Variants in UGT1A8 observed in about 807,000 individuals in gnomAD.
UGT1A8 encodes UDP glucuronosyltransferase family 1 member A8, also known as UDP-glucuronosyltransferase 1A8.
UGT1A8 carries 39 observed loss-of-function variants against 45.3 expected under a neutral mutation model. That is an observed-to-expected ratio of 0.86 (90% CI 0.67 to 1.12). UGT1A8 has a LOEUF of 1.12. UGT1A8 is among the 50% of genes most tolerant of loss of function. The pLI is 0.00. For synonymous variants in UGT1A8, 275 were observed against 249.2 expected, an observed-to-expected ratio of 1.10 and a Z score of -0.97; for missense variants, 719 against 664.9, an observed-to-expected ratio of 1.08 and a Z score of -0.90.
chr2:233,755,826 A>T (rs1696033574), intron 1 of UGT1A8: 1 of 152,260 alleles, frequency 6.6e-6, no homozygotes, highest in Admixed American at 6.5e-5. Context: ...AAAAAGACAT[A>T]TTCATTGGGC....
intron 1 of UGT1A8, among the ~76,000 whole-genome samples, chr2:233,619,033 G>T (rs1407708957): frequency 1.3e-5 from 2 of 152,070 alleles, no homozygotes; most frequent in African/African-American, 2.4e-5. Flanking sequence ...AGCAAGAAAT[G>T]AAACTCCCCT....
intron 1 of UGT1A8, among the ~76,000 whole-genome samples, chr2:233,716,634 C>T (rs1575513660): frequency 6.6e-6 from 1 of 152,096 alleles, no homozygotes; most frequent in Non-Finnish European, 1.5e-5. Context: ...AAGTTTTTAT[C>T]GTTTGTACTT....
intron 1 of UGT1A8, among the ~76,000 whole-genome samples, chr2:233,714,210 C>T (rs368814917): frequency 6.6e-4 from 100 of 152,248 alleles, no homozygotes; most frequent in African/African-American, 2.3e-3. Context: ...CTGATCCATC[C>T]AATCTTGCTG....
chr2:233,767,877 CA>C lies in UGT1A8; in HGVS notation c.1017del (p.Ser340ArgfsTer23). On this transcript the variant is annotated frameshift_variant, in exon 3 of 5. Coordinates refer to ENST00000373450, the MANE Select transcript of UGT1A8 (RefSeq NM_019076.5). LOFTEE classifies it high-confidence loss of function. ...TVLWRYTGTR[P>X]SNLANNTILV... Reference sequence around the variant, plus strand: ...CTGTGGCGGTACACTGGAACCCGACCATCGAATCTTGCGAACAACACGATAC... The same window carrying C: ...CTGTGGCGGTACACTGGAACCCGACCTCGAATCTTGCGAACAACACGATAC... 6.2e-7 allele frequency: 1 copy of C among 1,614,140 alleles called. No homozygotes were observed. The highest frequency in any genetic ancestry group is 8.5e-7 in the Non-Finnish European group (1 of 1,180,040).
At chr2:233,705,432 A>G (rs778048024) in intron 1 of UGT1A8, among the ~76,000 whole-genome samples, 4 of 152,198 alleles carry the variant, frequency 2.6e-5, no homozygotes, top group Non-Finnish European at 5.9e-5. Flanking sequence ...CTCATAACTT[A>G]TCCTTCAGAA....
chr2:233,652,385 T>A (rs1050241079), intron 1 of UGT1A8, among the ~76,000 whole-genome samples: 5 of 152,250 alleles, frequency 3.3e-5, no homozygotes, highest in Non-Finnish European at 5.9e-5. Context: ...GATTCATGTA[T>A]CTGCTCTTTT....
chr2:233,718,389 G>C (rs2125660033), intron 1 of UGT1A8, among the ~76,000 whole-genome samples: 1 of 152,356 alleles, frequency 6.6e-6, no homozygotes, highest in South Asian at 2.1e-4. Flanking sequence ...AGTTTCAAGG[G>C]TTAGCAAATA....
intron 1 of UGT1A8, chr2:233,636,327 A>T: frequency 1.1e-6 from 1 of 936,640 alleles, no homozygotes; most frequent in Non-Finnish European, 1.5e-6. Flanking sequence ...TCATACAAGT[A>T]GGTATCTCAG....
At chr2:233,766,402 C>T (rs1334615620) in intron 1 of UGT1A8, among the ~76,000 whole-genome samples, 1 of 152,212 alleles carries the variant, frequency 6.6e-6, no homozygotes, top group African/African-American at 2.4e-5. Context: ...TTGCGTCCCT[C>T]CGCTGATGTG....
At chr2:233,636,533 C>T (rs547494193) in intron 1 of UGT1A8, 3 of 1,613,346 alleles carry the variant, frequency 1.9e-6, no homozygotes, top group South Asian at 2.2e-5. Context: ...ATGGCTCGCG[C>T]AGGGTGGACC....
intron 1 of UGT1A8, among the ~76,000 whole-genome samples, chr2:233,683,905 G>A (rs185079883): frequency 6.6e-5 from 10 of 152,082 alleles, no homozygotes; most frequent in African/African-American, 1.4e-4. Flanking sequence ...TTATTTTGGC[G>A]GAGCATATAG....
chr2:233,659,293 G>A (rs182214955), intron 1 of UGT1A8, among the ~76,000 whole-genome samples: 5 of 152,182 alleles, frequency 3.3e-5, no homozygotes, highest in Admixed American at 6.5e-5. Context: ...ATATCATTTT[G>A]ACCCCCATAA....
intron 1 of UGT1A8, among the ~76,000 whole-genome samples, chr2:233,661,827 G>A (rs1026599059): frequency 9.3e-5 from 14 of 151,176 alleles, no homozygotes; most frequent in Non-Finnish European, 1.8e-4. Context: ...GAGCACTTGA[G>A]GCATCACTAG....
intron 1 of UGT1A8, chr2:233,742,608 G>A (rs540595235): frequency 6.6e-6 from 1 of 152,040 alleles, no homozygotes; most frequent in South Asian, 2.1e-4. Context: ...CATAGTTGGA[G>A]AACCACGTTC....
At position 233,680,476 on chromosome 2, in the gene UGT1A8, G is replaced by A. The variant is rs528848775; in HGVS notation, c.855+61914G>A. ...GCAAATGTCTAGTACCAGTTAGGGT[G>A]TCCTGGAAGGAACCATCTTGTGCTT... On this transcript the variant is annotated intron_variant, in intron 1 of 4. Coordinates refer to ENST00000373450, the MANE Select transcript of UGT1A8 (RefSeq NM_019076.5). Among the ~76,000 whole-genome samples, 3 of 152,322 alleles carry A rather than the reference G, an allele frequency of 2.0e-5. No homozygotes were observed. In the South Asian group the frequency reaches 6.2e-4, roughly 32 times the overall value.
At chr2:233,665,701 A>G (rs1262754614) in intron 1 of UGT1A8, among the ~76,000 whole-genome samples, 1 of 152,226 alleles carries the variant, frequency 6.6e-6, no homozygotes, top group Non-Finnish European at 1.5e-5. Flanking sequence ...CTGCATCCCT[A>G]CCAGATAGGG....
intron 1 of UGT1A8, among the ~76,000 whole-genome samples, chr2:233,642,303 T>C (rs941316735): frequency 1.3e-5 from 2 of 152,234 alleles, no homozygotes; most frequent in Admixed American, 1.3e-4. Flanking sequence ...TAAAGGACTT[T>C]GATGCATTCT....
intron 1 of UGT1A8, chr2:233,649,027 G>C: frequency 8.1e-7 from 1 of 1,241,952 alleles, no homozygotes; most frequent in Non-Finnish European, 1.1e-6. Context: ...AGTGCCTATG[G>C]TAAGTCATTG....
chr2:233,690,844 T>G, intron 1 of UGT1A8: 1 of 1,068,762 alleles, frequency 9.4e-7, no homozygotes. Flanking sequence ...GAAAAATGTT[T>G]TCTAATACCT....
Sources: allele counts gnomAD v4.1 joint callset (sites outside exome capture counted in the v4.1 genomes callset), GRCh38; gene constraint gnomAD v4.1.1; transcripts MANE v1.5; gene names NCBI Gene and HGNC (gene_info 2026-07-23, HGNC 2026-07-21).